The following JAKMIP3 variants were observed in gnomAD, a reference collection of about 807,000 sequenced individuals.
JAKMIP3 encodes janus kinase and microtubule-interacting protein 3.
Under a neutral mutation model 118.5 loss-of-function variants are expected in JAKMIP3, and 58 were observed. The observed-to-expected ratio is 0.49, with a 90% CI of 0.40 to 0.61. JAKMIP3 has a LOEUF of 0.61. Among genes scored for constraint, JAKMIP3 ranks in the 20% least tolerant of loss-of-function variants. The probability of loss-of-function intolerance (pLI) is 0.00; values close to 1 mark genes in which losing one functional copy is unlikely to be tolerated. For missense variants in JAKMIP3, 950 were observed against 1,109.0 expected (o/e 0.86, Z 2.04); for synonymous variants, 486 against 451.2 (o/e 1.08, Z -0.98).
intron 23 of JAKMIP3, among the ~76,000 whole-genome samples, chr10:132,174,291 G>A (rs1434876273): frequency 3.9e-5 from 6 of 152,120 alleles, no homozygotes; most frequent in African/African-American, 1.2e-4. Flanking sequence ...TCCACATCAG[G>A]TAAATAGAGT....
chr10:132,105,481 T>C (rs4143032), intron 2 of JAKMIP3, among the ~76,000 whole-genome samples: 26,575 of 150,998 alleles, frequency 0.18, 2,392 homozygotes, highest in East Asian at 0.2. Flanking sequence ...GCCCAGCACT[T>C]TGGGGCTTTT....
intron 5 of JAKMIP3, among the ~76,000 whole-genome samples, chr10:132,135,506 C>T (rs1224349663): frequency 5.9e-5 from 9 of 152,154 alleles, no homozygotes; most frequent in East Asian, 1.9e-4. Context: ...CTCGATATCC[C>T]GGAGGGTGCG....
At chr10:132,067,425 T>C (rs1017422801) in intron 1 of JAKMIP3, among the ~76,000 whole-genome samples, 3 of 152,154 alleles carry the variant, frequency 2.0e-5, no homozygotes, top group African/African-American at 4.8e-5. Flanking sequence ...TGGGAAGGCC[T>C]TACTACTTTA....
At chr10:132,099,988 C>T (rs1009851253) in intron 1 of JAKMIP3, among the ~76,000 whole-genome samples, 2 of 152,226 alleles carry the variant, frequency 1.3e-5, no homozygotes, top group African/African-American at 4.8e-5. Flanking sequence ...GCCCCGGTCC[C>T]AGCCCTCCTG....
intron 1 of JAKMIP3, among the ~76,000 whole-genome samples, chr10:132,081,936 G>A (rs1285606714): frequency 6.6e-6 from 1 of 151,314 alleles, no homozygotes; most frequent in Non-Finnish European, 1.5e-5. Flanking sequence ...GTGCACATAG[G>A]GATTTTATTT....
At chr10:132,138,214 G>A (rs2637646) in intron 9 of JAKMIP3, 36 bp downstream of exon 9, 244,131 of 1,566,642 alleles carry the variant, frequency 0.16, 21,726 homozygotes, top group South Asian at 0.3. Flanking sequence ...CGGAGAGTAC[G>A]CCGGGTGTGT....
chr10:132,069,147 T>C (rs943642918), intron 1 of JAKMIP3, among the ~76,000 whole-genome samples: 1 of 152,130 alleles, frequency 6.6e-6, no homozygotes, highest in African/African-American at 2.4e-5. Flanking sequence ...CAGCTGCTGC[T>C]CTTCCCAGAC....
chr10:132,108,326 G>A (rs1051721232), intron 2 of JAKMIP3, among the ~76,000 whole-genome samples: 2 of 147,660 alleles, frequency 1.4e-5, no homozygotes, highest in African/African-American at 2.5e-5. Context: ...AGCTCCTCTG[G>A]CCAGCTCTCT....
At chr10:132,059,787 C>A (rs2038342388), upstream of JAKMIP3, among the ~76,000 whole-genome samples, 1 of 152,250 alleles carries the variant, frequency 6.6e-6, no homozygotes, top group African/African-American at 2.4e-5. Context: ...TGTCCCTTGT[C>A]ACTGGCCTTG....
At chr10:132,070,740 C>T (rs575772970) in intron 1 of JAKMIP3, among the ~76,000 whole-genome samples, 1 of 152,256 alleles carries the variant, frequency 6.6e-6, no homozygotes, top group African/African-American at 2.4e-5. Context: ...CCCCCAAAGG[C>T]CCTATGATCT....
At position 132,168,676 on chromosome 10, in the gene JAKMIP3, C is replaced by T. The variant is rs950540256; in HGVS notation, c.*746C>T. The T allele has an allele frequency of 1.9e-5, 6 of 319,578 alleles. No homozygotes were observed. The highest frequency in any genetic ancestry group is 7.3e-5 in the South Asian group (3 of 41,316). The allele number at this position is 319,578 out of a possible 1,614,324, so 19.8% of individuals were successfully genotyped here. ...AGGAAGGCCAAGATCCCGCCCAAGC[C>T]GCCAGCTGGGAGCACCGCGGGACTG... On this transcript the variant is annotated 3_prime_UTR_variant, in exon 23 of 24. Coordinates refer to ENST00000684848, the MANE Select transcript of JAKMIP3 (RefSeq NM_001323087.2).
At chr10:132,166,800 C>A (rs1220792933) in intron 21 of JAKMIP3, among the ~76,000 whole-genome samples, 183 bp from the exon 22 acceptor site, 1 of 152,192 alleles carries the variant, frequency 6.6e-6, no homozygotes, top group Admixed American at 6.5e-5. Flanking sequence ...GGCGGCACCA[C>A]CCCTCAGACC....
At position 132,097,994 on chromosome 10, in the gene JAKMIP3, TCCCC is replaced by T. The variant is rs1564893248; in HGVS notation, c.-137-6677_-137-6674del. Reference sequence around the variant, plus strand: ...CCTTTTCTCCCCTTCCCCTTCCCCTTCCCCTTCCCCTCCTTCCTTTTTTTTTTCT... The same window carrying T: ...CCTTTTCTCCCCTTCCCCTTCCCCTTTTCCCCTCCTTCCTTTTTTTTTTCT... On this transcript the variant is annotated intron_variant, in intron 1 of 23. Coordinates refer to ENST00000684848, the MANE Select transcript of JAKMIP3 (RefSeq NM_001323087.2). Among the ~76,000 whole-genome samples, 8 of 120,256 alleles carry T rather than the reference TCCCC, an allele frequency of 6.7e-5. 1 individual carries two copies. The highest frequency in any genetic ancestry group is 3.8e-4 in the South Asian group (1 of 2,628). The allele number at this position is 120,256 out of a possible 152,430, so 78.9% of individuals were successfully genotyped here. A position where few individuals can be genotyped will look rare whatever the true frequency, so the allele number is the denominator to read the frequency against.
rs920319020 is a variant in JAKMIP3 at position 132,117,931 on chromosome 10, G to A, written c.633+357G>A. Among the ~76,000 whole-genome samples the A allele has an allele frequency of 6.6e-6, 1 of 152,130 alleles. No homozygotes were observed. The highest frequency in any genetic ancestry group is 2.4e-5 in the African/African-American group (1 of 41,418). ...TGCCCATCCACACCGCAGGGTTCACGGACATCTCTTCTTAGTGTCCCGGGT... is the reference window on the plus strand; with the variant it reads ...TGCCCATCCACACCGCAGGGTTCACAGACATCTCTTCTTAGTGTCCCGGGT... On this transcript the variant is annotated intron_variant, in intron 3 of 23. Coordinates refer to ENST00000684848, the MANE Select transcript of JAKMIP3 (RefSeq NM_001323087.2). The surrounding 1 kb of genome is among the most constrained non-coding windows in gnomAD (Gnocchi z 8.6).
At chr10:132,134,706 G>A (rs1399169209) in intron 4 of JAKMIP3, among the ~76,000 whole-genome samples, 2 of 152,214 alleles carry the variant, frequency 1.3e-5, no homozygotes, top group African/African-American at 2.4e-5. Context: ...CCACACTCGC[G>A]GTTTCTGCAT....
chr10:132,109,081 T>C lies in JAKMIP3; in HGVS notation c.135+4138T>C, dbSNP rs111663110. Among the ~76,000 whole-genome samples, 23 of 102,014 alleles carry C rather than the reference T, an allele frequency of 2.3e-4. 1 individual carries two copies. The highest frequency in any genetic ancestry group is 5.3e-4 in the African/African-American group (13 of 24,426). 66.9% of individuals were successfully genotyped at this position (102,014 alleles called of 152,430 possible). ...ATGCACATATACACACATACACATA[T>C]ATATACACACACATATATATATACA... On this transcript the variant is annotated intron_variant, in intron 2 of 23. Transcript: ENST00000684848.
chr10:132,104,432 T>G (rs2045591710), intron 1 of JAKMIP3, among the ~76,000 whole-genome samples: 1 of 152,160 alleles, frequency 6.6e-6, no homozygotes, highest in Non-Finnish European at 1.5e-5. Flanking sequence ...TGAGTGTTCA[T>G]CCCATGCTGG....
chr10:132,079,610 A>C (rs1316650374), intron 1 of JAKMIP3, among the ~76,000 whole-genome samples: 1 of 152,220 alleles, frequency 6.6e-6, no homozygotes, highest in Non-Finnish European at 1.5e-5. Context: ...AAATAGACAT[A>C]AGTTTTACCA....
chr10:132,137,073 A>G lies in JAKMIP3; in HGVS notation c.1171A>G (p.Ser391Gly), dbSNP rs1454411115. The G allele has an allele frequency of 6.2e-7, 1 of 1,613,896 alleles. No homozygotes were observed. The highest frequency in any genetic ancestry group is 2.2e-5 in the East Asian group (1 of 44,876). Residue 391 changes from serine (S) to glycine (G), a missense_variant, in exon 7 of 24, where the codon AGT becomes GGT. Coordinates refer to ENST00000684848, the MANE Select transcript of JAKMIP3 (RefSeq NM_001323087.2). ...CAGTTCCTTGAATGACCTTGATCAA[A>G]GTCAGGATGAGAGAGAAGTCGATTT... ...RPSSLNDLDQ[S>G]QDEREVDFLK...
Sources: gnomAD v4.1 joint callset for allele counts (sites outside exome capture counted in the v4.1 genomes callset) on GRCh38, gnomAD v4.1.1 for gene constraint, Gnocchi (gnomAD v3.1) non-coding constraint, MANE v1.5 for transcripts, NCBI Gene and HGNC (gene_info 2026-07-23, HGNC 2026-07-21) for gene names.